ABCB1: variants seen among roughly 807,000 people sequenced by gnomAD.
ABCB1 encodes ATP binding cassette subfamily B member 1, also known as ATP-dependent translocase ABCB1.
A neutral mutation model predicts 142.0 loss-of-function variants in ABCB1; 69 were observed. That is an observed-to-expected ratio of 0.49 (90% CI 0.40 to 0.59). The LOEUF is 0.59. Ranked by LOEUF, ABCB1 falls within the 20% of genes least tolerant of loss-of-function variation. ABCB1 has a pLI of 0.00. For missense variants in ABCB1, 1,326 were observed against 1,554.7 expected, an observed-to-expected ratio of 0.85 and a Z score of 2.47; for synonymous variants, 532 against 539.2, an observed-to-expected ratio of 0.99 and a Z score of 0.18.
intron 21 of ABCB1, among the ~76,000 whole-genome samples, chr7:87,525,276 AT>A (rs1195501423): frequency 1.3e-5 from 2 of 152,178 alleles, no homozygotes; most frequent in African/African-American, 4.8e-5. Flanking sequence ...ATAAAAATGT[AT>A]GTTTCTAGAA....
chr7:87,652,691 T>C (rs1361584434), intron 1 of ABCB1, among the ~76,000 whole-genome samples: 5 of 149,694 alleles, frequency 3.3e-5, no homozygotes, highest in Non-Finnish European at 7.4e-5. Context: ...TGAGGTATTT[T>C]AAAGATCCAA....
At position 87,509,419 on chromosome 7, in the gene ABCB1, G is replaced by A. The variant is rs780586109; in HGVS notation, c.3345C>T (p.Ile1115=). ...NVQWLRAHLG[I]VSQEPILFDC... ...CAAACAGGATGGGCTCCTGGGACAC[G>A]ATGCCCAGGTGTGCTCGGAGCCACT... Residue 1115 remains isoleucine, a synonymous_variant, in exon 26 of 28, where the codon ATC becomes ATT. Transcript: ENST00000622132. The A allele has an allele frequency of 8.7e-6, 14 of 1,614,042 alleles. No individual in the cohort carries two copies. The highest frequency in any genetic ancestry group is 1.3e-5 in the African/African-American group (1 of 74,902).
chr7:87,539,368 T>C, intron 18 of ABCB1, 23 bp from the exon 19 acceptor site: 1 of 1,608,230 alleles, frequency 6.2e-7, no homozygotes, highest in African/African-American at 1.3e-5. Flanking sequence ...ACATACCTTG[T>C]CAGGGACCCA....
rs558855198 is a variant in ABCB1 at position 87,647,925 on chromosome 7, C to G, written c.-330-46847G>C. Among the ~76,000 whole-genome samples the G allele has an allele frequency of 3.3e-5, 5 of 152,174 alleles. No individual in the cohort carries two copies. In the East Asian group the frequency reaches 9.7e-4, roughly 29 times the overall value. On this transcript the variant is annotated intron_variant, in intron 1 of 28. Coordinates refer to the ABCB1 transcript ENST00000265724. ...ATAGGCCAGGCACGGTGGCTCATGC[C>G]TGTAATCCCAACACTTTGGGAGGCC... is the stretch of plus-strand genomic sequence containing the variant.
In ABCB1 at chr7:87,504,326, G is replaced by T. The variant is rs1447340915; in HGVS notation, c.3760C>A (p.His1254Asn). 2 of 1,614,028 alleles carry T rather than the reference G, an allele frequency of 1.2e-6. No homozygotes were observed. Among genetic ancestry groups the T allele is most frequent in the Non-Finnish European group, 1.7e-6 (2 of 1,180,002 alleles). ...VVFQNGRVKE[H>N]GTHQQLLAQK... ...GCCAGCAGCTGCTGATGCGTGCCAT[G>T]CTCCTTGACTCTGCCATTCTGAAAC... Residue 1254 changes from histidine to asparagine, a missense_variant, in exon 28 of 28, where the codon CAT (histidine) becomes AAT (asparagine). Coordinates refer to ENST00000622132, the MANE Select transcript of ABCB1 (RefSeq NM_001348946.2).
At chr7:87,635,544 G>A (rs191061529) in intron 1 of ABCB1, among the ~76,000 whole-genome samples, 3 of 152,178 alleles carry the variant, frequency 2.0e-5, no homozygotes, top group East Asian at 1.9e-4. Flanking sequence ...CAACCACTAC[G>A]AGATATGTAG....
intron 1 of ABCB1, among the ~76,000 whole-genome samples, chr7:87,630,688 CTTT>C (rs771607643): frequency 1.4e-5 from 2 of 142,380 alleles, no homozygotes; most frequent in East Asian, 2.0e-4. Flanking sequence ...TTTGCTTAGT[CTTT>C]TTTTTTTTTT....
chr7:87,592,776 A>G (rs1450703210), intron 3 of ABCB1, among the ~76,000 whole-genome samples: 1 of 152,210 alleles, frequency 6.6e-6, no homozygotes, highest in Non-Finnish European at 1.5e-5. Flanking sequence ...CACAATAAAC[A>G]TAGGGTATTT....
chr7:87,558,162 G>C (rs1295049849), intron 8 of ABCB1, among the ~76,000 whole-genome samples: 3 of 152,188 alleles, frequency 2.0e-5, no homozygotes, highest in African/African-American at 7.2e-5. Context: ...ATGTAAGGTG[G>C]TCTCAGGTTA....
At chr7:87,612,547 C>T (rs1819888865) in intron 1 of ABCB1, among the ~76,000 whole-genome samples, 3 of 152,018 alleles carry the variant, frequency 2.0e-5, no homozygotes, top group African/African-American at 7.2e-5. Flanking sequence ...ATTTTGTGTG[C>T]TTTGTCAAAG....
rs2235046 is a variant in ABCB1, at chr7:87,544,750, T to C, written c.2064+73A>G. 808,255 of 1,490,404 alleles carry C rather than the reference T, an allele frequency of 0.54. 223,288 individuals are homozygous for C. The highest frequency in any genetic ancestry group is 0.75 in the African/African-American group (54,453 of 72,446). 92.3% of individuals were successfully genotyped at this position (1,490,404 alleles called of 1,614,324 possible). A position where few individuals can be genotyped will look rare whatever the true frequency, so the allele number is the denominator to read the frequency against. On this transcript the variant is annotated intron_variant, in intron 16 of 27. Coordinates refer to ENST00000622132, the MANE Select transcript of ABCB1 (RefSeq NM_001348946.2). Reference sequence around the variant, plus strand: ...TAACCTCTCTTGTTCCCACTCCTACTGTAGCCCTAGCCCACCAAACTAGGG... The same window carrying C: ...TAACCTCTCTTGTTCCCACTCCTACCGTAGCCCTAGCCCACCAAACTAGGG...
chr7:87,628,420 C>G (rs2130156821), intron 1 of ABCB1: 1 of 160,484 alleles, frequency 6.2e-6, no homozygotes, highest in South Asian at 2.0e-4. Flanking sequence ...CGGGCTGGGG[C>G]ACGAGTGGCT....
At position 87,509,318 on chromosome 7, in the gene ABCB1, G is replaced by T; in HGVS notation, c.3446C>A (p.Ala1149Glu). Residue 1149 changes from alanine to glutamate, a missense_variant, in exon 26 of 28, where the codon GCA (alanine) becomes GAA (glutamate). Ala to Glu is a moderately radical substitution (Grantham distance 107). Coordinates refer to ENST00000622132, the MANE Select transcript of ABCB1 (RefSeq NM_001348946.2). ...GAAGGCATGTATGTTGGCCTCCTTTGCTGCCCTCACAATCTCTTCCTGTGA... is the reference window on the plus strand; with the variant it reads ...GAAGGCATGTATGTTGGCCTCCTTTTCTGCCCTCACAATCTCTTCCTGTGA... ...VVSQEEIVRAAKEANIHAFIE... is the reference protein window; with the variant it reads ...VVSQEEIVRAEKEANIHAFIE... 6.2e-7 allele frequency: 1 copy of T among 1,614,136 alleles called. No individual in the cohort carries two copies. Among genetic ancestry groups the T allele is most frequent in the Non-Finnish European group, 8.5e-7 (1 of 1,180,022 alleles).
intron 1 of ABCB1, among the ~76,000 whole-genome samples, chr7:87,609,556 T>C (rs2130045741): frequency 6.6e-6 from 1 of 152,320 alleles, no homozygotes; most frequent in Middle Eastern, 3.4e-3. Context: ...GACAGGAGGA[T>C]TCTAACAGTG....
At chr7:87,559,432 T>C (rs1817454755) in intron 8 of ABCB1, among the ~76,000 whole-genome samples, 1 of 152,062 alleles carries the variant, frequency 6.6e-6, no homozygotes. Flanking sequence ...CCCTATTCAT[T>C]CTTTTTTTGT....
chr7:87,686,564 C>T (rs1197518950), intron 1 of ABCB1, among the ~76,000 whole-genome samples: 6 of 152,088 alleles, frequency 3.9e-5, no homozygotes, highest in East Asian at 3.9e-4. Flanking sequence ...TCAGAGACAA[C>T]GTTGTAAACT....
intron 5 of ABCB1, among the ~76,000 whole-genome samples, 182 bp from the exon 6 acceptor site, chr7:87,567,158 T>C (rs1228390424): frequency 6.6e-6 from 1 of 152,216 alleles, no homozygotes; most frequent in Non-Finnish European, 1.5e-5. Flanking sequence ...ACCAATATGG[T>C]GGAATGGTTA....
intron 1 of ABCB1, among the ~76,000 whole-genome samples, chr7:87,620,651 T>C (rs1820191952): frequency 6.6e-6 from 1 of 152,196 alleles, no homozygotes; most frequent in Admixed American, 6.5e-5. Flanking sequence ...TTAATCTTTA[T>C]TTTTCTGAGC....
At chr7:87,577,579 C>T (rs929032727) in intron 4 of ABCB1, among the ~76,000 whole-genome samples, 2 of 152,168 alleles carry the variant, frequency 1.3e-5, no homozygotes, top group African/African-American at 2.4e-5. Flanking sequence ...CACATCCTCG[C>T]CAGCATTTGT....
Sources: allele counts gnomAD v4.1 joint callset (sites outside exome capture counted in the v4.1 genomes callset), GRCh38; gene constraint gnomAD v4.1.1; transcripts MANE v1.5; gene names NCBI Gene and HGNC (gene_info 2026-07-23, HGNC 2026-07-21).